The following TAFA4 variants were observed in gnomAD, a reference collection of about 807,000 sequenced individuals.
TAFA4 encodes chemokine-like protein TAFA-4.
TAFA4 carries 20 observed loss-of-function variants against 21.1 expected under a neutral mutation model. That is an observed-to-expected ratio of 0.95 (90% CI 0.67 to 1.38). TAFA4 has a LOEUF of 1.38. Ranked by LOEUF, TAFA4 falls within the 40% of genes most tolerant of loss-of-function variation. TAFA4 has a pLI of 0.00. For missense variants in TAFA4, 211 were observed against 180.9 expected (o/e 1.17, Z -0.95); for synonymous variants, 71 against 67.4 (o/e 1.05, Z -0.26).
At chr3:68,741,049 T>C (rs1025005267) in intron 4 of TAFA4, among the ~76,000 whole-genome samples, 1 of 152,228 alleles carries the variant, frequency 6.6e-6, no homozygotes, top group African/African-American at 2.4e-5. Flanking sequence ...TTGGTAACTA[T>C]AGCTTTGTAA....
At chr3:68,893,376 G>A (rs2106969211) in intron 1 of TAFA4, among the ~76,000 whole-genome samples, 1 of 152,262 alleles carries the variant, frequency 6.6e-6, no homozygotes, top group Admixed American at 6.5e-5. Context: ...AAGTTCTTGA[G>A]GGGAGAATAA....
At chr3:68,810,443 C>T (rs544468505) in intron 3 of TAFA4, among the ~76,000 whole-genome samples, 48 of 152,276 alleles carry the variant, frequency 3.2e-4, no homozygotes, top group Admixed American at 7.2e-4. Context: ...GGGTGACAGA[C>T]GGCATCTGGA....
chr3:68,781,367 A>G (rs1703150934), intron 3 of TAFA4, among the ~76,000 whole-genome samples: 1 of 152,036 alleles, frequency 6.6e-6, no homozygotes, highest in South Asian at 2.1e-4. Flanking sequence ...GGCCAGTTAA[A>G]TTGATAAATC....
intron 3 of TAFA4, among the ~76,000 whole-genome samples, chr3:68,771,569 G>C (rs1192742253): frequency 2.0e-5 from 3 of 152,174 alleles, no homozygotes; most frequent in Non-Finnish European, 2.9e-5. Flanking sequence ...AACATTTCCA[G>C]ATTAAAACCC....
chr3:68,871,365 T>C (rs1259440608), intron 3 of TAFA4, among the ~76,000 whole-genome samples: 1 of 151,794 alleles, frequency 6.6e-6, no homozygotes, highest in Non-Finnish European at 1.5e-5. Context: ...CTGGGAAAAC[T>C]GAAAAACCAT....
intron 3 of TAFA4, among the ~76,000 whole-genome samples, chr3:68,808,491 C>A (rs532496431): frequency 6.6e-6 from 1 of 152,164 alleles, no homozygotes; most frequent in Admixed American, 6.5e-5. Flanking sequence ...TAATCTACTG[C>A]CTTCTTAAAC....
chr3:68,914,572 A>G (rs1426254721), intron 1 of TAFA4, among the ~76,000 whole-genome samples: 1 of 152,252 alleles, frequency 6.6e-6, no homozygotes, highest in Non-Finnish European at 1.5e-5. Context: ...ATTGTGATGC[A>G]TTCGTGATGC....
chr3:68,862,880 C>CACACACAG (rs1415814442), intron 3 of TAFA4, among the ~76,000 whole-genome samples: 6 of 151,662 alleles, frequency 4.0e-5, no homozygotes, highest in African/African-American at 1.5e-4. Flanking sequence ...CACACACACA[C>CACACACAG]AATCATTTTG....
intron 3 of TAFA4, among the ~76,000 whole-genome samples, chr3:68,765,963 A>G (rs150738003): frequency 1.9e-3 from 296 of 152,252 alleles, no homozygotes; most frequent in African/African-American, 6.6e-3. Context: ...CACCATTCCC[A>G]TCCATATTCA....
At chr3:68,828,092 A>G (rs1353169291) in intron 3 of TAFA4, among the ~76,000 whole-genome samples, 1 of 152,154 alleles carries the variant, frequency 6.6e-6, no homozygotes, top group Non-Finnish European at 1.5e-5. Context: ...TCAGCTTTCT[A>G]CATATGGCTA....
At chr3:68,795,532 G>A (rs1703439744) in intron 3 of TAFA4, among the ~76,000 whole-genome samples, 1 of 152,150 alleles carries the variant, frequency 6.6e-6, no homozygotes, top group Admixed American at 6.5e-5. Flanking sequence ...CTAACTCAGG[G>A]TGTTCTGCCG....
At chr3:68,836,461 T>C (rs1329059615) in intron 3 of TAFA4, among the ~76,000 whole-genome samples, 1 of 152,262 alleles carries the variant, frequency 6.6e-6, no homozygotes, top group Non-Finnish European at 1.5e-5. Context: ...GTCTGGCTTC[T>C]AGAACTTCCT....
chr3:68,892,149 A>T (rs2089735950), intron 1 of TAFA4, among the ~76,000 whole-genome samples: 1 of 152,198 alleles, frequency 6.6e-6, no homozygotes. Flanking sequence ...TACTTTTGTA[A>T]TTTAGAGAGT....
chr3:68,913,175 T>C (rs572599470), intron 1 of TAFA4, among the ~76,000 whole-genome samples: 3 of 152,246 alleles, frequency 2.0e-5, no homozygotes, highest in African/African-American at 7.2e-5. Context: ...TTCTACCTAA[T>C]GAAAACTTCC....
At chr3:68,779,136 A>G (rs1036205727) in intron 3 of TAFA4, among the ~76,000 whole-genome samples, 1 of 152,160 alleles carries the variant, frequency 6.6e-6, no homozygotes, top group Non-Finnish European at 1.5e-5. Flanking sequence ...CTGCCCTAGA[A>G]ATTTGTGGAA....
chr3:68,761,986 T>C (rs775330367), intron 3 of TAFA4, among the ~76,000 whole-genome samples: 8 of 152,076 alleles, frequency 5.3e-5, no homozygotes, highest in Non-Finnish European at 8.8e-5. Flanking sequence ...TTTCATGTCT[T>C]AAATAGACAG....
In TAFA4 at chr3:68,885,212, A is replaced by T. The variant is rs1367899294; in HGVS notation, c.-24T>A. The T allele has an allele frequency of 1.2e-6, 2 of 1,611,092 alleles. No individual in the cohort carries two copies. The highest frequency in any genetic ancestry group is 1.7e-6 in the Non-Finnish European group (2 of 1,178,380). On this transcript the variant is annotated 5_prime_UTR_variant, in exon 2 of 6. Transcript: ENST00000295569. ...ATAAGATGTGGTTCTAGTCAAACACACTTATTCCAGGATATATTTCAGAGT... is the reference window on the plus strand; with the variant it reads ...ATAAGATGTGGTTCTAGTCAAACACTCTTATTCCAGGATATATTTCAGAGT...
At chr3:68,885,035 A>T in intron 2 of TAFA4, 140 bp downstream of exon 2, 1 of 749,234 alleles carries the variant, frequency 1.3e-6, no homozygotes, top group Non-Finnish European at 2.1e-6. Flanking sequence ...AAAATGAAAA[A>T]ATCAACATTT....
chr3:68,738,750 G>A (rs559544397), intron 5 of TAFA4, among the ~76,000 whole-genome samples: 5 of 152,120 alleles, frequency 3.3e-5, no homozygotes, highest in African/African-American at 1.2e-4. Flanking sequence ...ATCTGGATGT[G>A]GATTCTTGTC....
Sources: gnomAD v4.1 joint callset for allele counts (sites outside exome capture counted in the v4.1 genomes callset) on GRCh38, gnomAD v4.1.1 for gene constraint, MANE v1.5 for transcripts, NCBI Gene and HGNC (gene_info 2026-07-23, HGNC 2026-07-21) for gene names.